Variants in UBE2O observed in about 807,000 individuals in gnomAD.
UBE2O encodes the protein (E3-independent) E2 ubiquitin-conjugating enzyme.
UBE2O carries 15 observed loss-of-function variants against 125.8 expected under a neutral mutation model. That is an observed-to-expected ratio of 0.12 (90% CI 0.08 to 0.18). The LOEUF (loss-of-function observed/expected upper bound fraction) is 0.18. Ranked by LOEUF, UBE2O falls within the 10% of genes least tolerant of loss-of-function variation. The probability of loss-of-function intolerance (pLI) is 1.00; values close to 1 mark genes in which losing one functional copy is unlikely to be tolerated. For synonymous variants in UBE2O, 708 were observed against 703.2 expected (o/e 1.01, Z -0.11); for missense variants, 1,280 against 1,723.6 (o/e 0.74, Z 4.56).
chr17:76,450,613 T>C (rs979479748), intron 1 of UBE2O, among the ~76,000 whole-genome samples: 2 of 150,984 alleles, frequency 1.3e-5, no homozygotes, highest in African/African-American at 4.9e-5. Flanking sequence ...TGCCTCAAAG[T>C]TGTTGTTTTT....
At chr17:76,422,751 C>G (rs1468097296) in intron 1 of UBE2O, among the ~76,000 whole-genome samples, 1 of 152,224 alleles carries the variant, frequency 6.6e-6, no homozygotes, top group Non-Finnish European at 1.5e-5. Context: ...CATTCTCTAT[C>G]CACCTGCTTT....
At chr17:76,420,737 C>A (rs1383966112) in intron 1 of UBE2O, among the ~76,000 whole-genome samples, 1 of 152,186 alleles carries the variant, frequency 6.6e-6, no homozygotes. Context: ...GTCCTGGGAT[C>A]GAGTGCAAGC....
intron 1 of UBE2O, among the ~76,000 whole-genome samples, chr17:76,422,778 C>G (rs2072732729): frequency 6.6e-6 from 1 of 152,236 alleles, no homozygotes; most frequent in African/African-American, 2.4e-5. Context: ...CTTCACAGCA[C>G]TTACTGTTCC....
chr17:76,436,653 C>T (rs1182182624), intron 1 of UBE2O, among the ~76,000 whole-genome samples: 4 of 152,250 alleles, frequency 2.6e-5, no homozygotes, highest in Middle Eastern at 3.4e-3. Flanking sequence ...CTCAAAAGTG[C>T]TATCCAAGGT....
chr17:76,442,369 G>A (rs76668050), intron 1 of UBE2O, among the ~76,000 whole-genome samples: 256 of 152,240 alleles, frequency 1.7e-3, no homozygotes, highest in African/African-American at 5.7e-3. Flanking sequence ...CACCTAGTAC[G>A]GGGGGTGGGA....
rs2072284300 is a variant in UBE2O, at chr17:76,399,767, T to C, written c.1310A>G (p.Asp437Gly). Residue 437 changes from aspartate (D) to glycine (G), a missense_variant, in exon 9 of 18, where the codon GAT becomes GGT. Around this residue, in one of 10 missense-constraint regions of UBE2O, gnomAD observed 141 missense variants for 141.3 expected, o/e 1.00. Coordinates refer to ENST00000319380, the MANE Select transcript of UBE2O (RefSeq NM_022066.4). The surrounding 1 kb of genome is among the most constrained non-coding windows in gnomAD (Gnocchi z 6.9). ...AESASPEETP[D>G]GSASPVEMQD... ...CATCTCCACTGGACTGGCAGAGCCA[T>C]CGGGCGTCTCCTCAGGGCTGGCAGA... The C allele has an allele frequency of 6.2e-7, 1 of 1,614,218 alleles. No individual in the cohort carries two copies. Among genetic ancestry groups the C allele is most frequent in the African/African-American group, 1.3e-5 (1 of 75,072 alleles).
intron 1 of UBE2O, among the ~76,000 whole-genome samples, chr17:76,429,233 C>A (rs879435203): frequency 6.6e-6 from 1 of 151,540 alleles, no homozygotes; most frequent in South Asian, 2.1e-4. Flanking sequence ...TCCTATGCAT[C>A]TATAATTATT....
At chr17:76,435,401 TACACACACACACACATACAC>T (rs927527393) in intron 1 of UBE2O, among the ~76,000 whole-genome samples, 20 of 96,736 alleles carry the variant, frequency 2.1e-4, no homozygotes, top group East Asian at 6.3e-4. Context: ...AATATACAGA[TACACACACACACACATACAC>T]ACACACACAC....
intron 1 of UBE2O, among the ~76,000 whole-genome samples, chr17:76,445,406 T>C (rs2073136135): frequency 6.6e-6 from 1 of 152,172 alleles, no homozygotes; most frequent in Non-Finnish European, 1.5e-5. Flanking sequence ...TCTCTAAAAA[T>C]GCAAACCAAC....
intron 1 of UBE2O, among the ~76,000 whole-genome samples, chr17:76,434,396 G>A (rs191123201): frequency 1.2e-3 from 177 of 152,236 alleles, no homozygotes; most frequent in Admixed American, 1.4e-3. Context: ...AAACCCCAAC[G>A]CGTAGGAAAC....
At chr17:76,415,666 G>A (rs1436949914) in intron 1 of UBE2O, among the ~76,000 whole-genome samples, 4 of 152,114 alleles carry the variant, frequency 2.6e-5, no homozygotes, top group African/African-American at 9.7e-5. Context: ...TCAGCTGGGT[G>A]TGGTGGTGCG....
intron 1 of UBE2O, among the ~76,000 whole-genome samples, chr17:76,409,125 C>T (rs1434952204): frequency 3.3e-5 from 5 of 151,396 alleles, no homozygotes; most frequent in Admixed American, 6.6e-5. Context: ...CCCGCCACCA[C>T]GCCCGGCTAA....
At chr17:76,433,501 TTAGA>T (rs2072935453) in intron 1 of UBE2O, among the ~76,000 whole-genome samples, 1 of 151,116 alleles carries the variant, frequency 6.6e-6, no homozygotes, top group East Asian at 1.9e-4. Flanking sequence ...TGTTCTAAAA[TTAGA>T]TAGCGGTGAT....
intron 1 of UBE2O, among the ~76,000 whole-genome samples, chr17:76,435,673 T>C (rs985412331): frequency 6.6e-6 from 1 of 152,182 alleles, no homozygotes; most frequent in African/African-American, 2.4e-5. Context: ...TCTTTTCTAG[T>C]CATGGACACT....
At chr17:76,408,296 C>T (rs2072458112) in intron 1 of UBE2O, among the ~76,000 whole-genome samples, 2 of 152,342 alleles carry the variant, frequency 1.3e-5, no homozygotes, top group South Asian at 2.1e-4. Flanking sequence ...CCAGGTGCTT[C>T]CTACCTGGCA....
rs531607230 is a variant in UBE2O at position 76,395,075 on chromosome 17, C to T, written c.2946+650G>A. Among the ~76,000 whole-genome samples, 19 of 152,236 alleles carry T rather than the reference C, an allele frequency of 1.2e-4. No individual in the cohort carries two copies. Among genetic ancestry groups the T allele is most frequent in the Non-Finnish European group, 2.2e-4 (15 of 68,026 alleles). ...ATTTTTAGTAGAGACAGGGTTTCAC[C>T]GGGTTGGTCAGGCTGGTCTCAAACT... On this transcript the variant is annotated intron_variant, in intron 15 of 17. Coordinates refer to ENST00000319380, the MANE Select transcript of UBE2O (RefSeq NM_022066.4). This position sits in a 1 kb window ranked among gnomAD's most constrained non-coding sequence, Gnocchi z 5.0.
chr17:76,403,921 C>T (rs2143723551), intron 3 of UBE2O, among the ~76,000 whole-genome samples: 1 of 152,220 alleles, frequency 6.6e-6, no homozygotes. Flanking sequence ...AAATCTGGGA[C>T]CATCCAAGCA....
At chr17:76,424,361 A>C (rs1267471830) in intron 1 of UBE2O, among the ~76,000 whole-genome samples, 1 of 150,880 alleles carries the variant, frequency 6.6e-6, no homozygotes, top group African/African-American at 2.4e-5. Context: ...AGTGTGAGCC[A>C]CCACACTCTG....
Position 76,390,884 on chromosome 17 carries a change from A to T in UBE2O, c.*59T>A. On this transcript the variant is annotated 3_prime_UTR_variant, in exon 18 of 18. Transcript: ENST00000319380. ...GGGAAGAGGGGTGATTCCGGGGGGG[A>T]GTGAGCAGGCGGCGGCTGGCCTCTC... 1.3e-6 allele frequency: 2 copies of T among 1,497,134 alleles called. No homozygotes were observed. The highest frequency in any genetic ancestry group is 9.0e-7 in the Non-Finnish European group (1 of 1,113,606). The allele number at this position is 1,497,134 out of a possible 1,614,324, so 92.7% of individuals were successfully genotyped here.
Sources: allele counts gnomAD v4.1 joint callset (sites outside exome capture counted in the v4.1 genomes callset), GRCh38; gene constraint gnomAD v4.1.1; regional missense constraint gnomAD v4.1.1; non-coding constraint Gnocchi (gnomAD v3.1); transcripts MANE v1.5; gene names NCBI Gene and HGNC (gene_info 2026-07-23, HGNC 2026-07-21).